Variants in PCNA observed in about 807,000 individuals in gnomAD.
PCNA encodes proliferating cell nuclear antigen, also known as DNA sliding clamp PCNA.
Under a neutral mutation model 27.8 loss-of-function variants are expected in PCNA, and 4 were observed. The ratio of observed to expected loss-of-function variants is 0.14; its 90% CI spans 0.07 to 0.33. The LOEUF (loss-of-function observed/expected upper bound fraction) is 0.33. Among genes scored for constraint, PCNA ranks in the 10% least tolerant of loss-of-function variants. The pLI is 1.00. For synonymous variants in PCNA, 121 were observed against 119.4 expected, an observed-to-expected ratio of 1.01 and a Z score of -0.09; for missense variants, 165 against 327.4, an observed-to-expected ratio of 0.50 and a Z score of 3.83.
chr20:5,124,928 GA>G (rs2090537148), upstream of PCNA, among the ~76,000 whole-genome samples: 1 of 152,208 alleles, frequency 6.6e-6, no homozygotes. Flanking sequence ...GGCTGGATTT[GA>G]AAAGGAGCAG....
At chr20:5,126,578 A>T (rs1568522854) in exon 1 of PCNA, 1 of 152,520 alleles carries the variant, frequency 6.6e-6, no homozygotes, top group East Asian at 1.9e-4. Flanking sequence ...TCTCGCCCTC[A>T]GTAACCGGTT....
At chr20:5,118,238 G>T (rs2090489346) in intron 3 of PCNA, among the ~76,000 whole-genome samples, 2 of 152,214 alleles carry the variant, frequency 1.3e-5, no homozygotes, top group Non-Finnish European at 2.9e-5. Flanking sequence ...TGCACCAGTA[G>T]ATATATTTCT....
chr20:5,118,858 T>C lies in PCNA; in HGVS notation c.230A>G (p.Lys77Arg). The C allele has an allele frequency of 6.2e-7, 1 of 1,609,368 alleles. No individual in the cohort carries two copies. The highest frequency in any genetic ancestry group is 8.5e-7 in the Non-Finnish European group (1 of 1,175,918). ...AMGVNLTSMS[K>R]ILKCAGNEDI... The stretch of plus-strand genomic sequence containing the variant: ...TTCATTGCCGGCGCATTTTAGTATT[T>C]TGGACATACTAGAAGACAGGAGACA... The change falls in exon 2 of 6, where the codon AAA (lysine) becomes AGA (arginine). Residue 77 changes from lysine to arginine, a missense_variant. By Grantham distance (26) the Lys-to-Arg change is conservative. Coordinates refer to ENST00000379143, the MANE Select transcript of PCNA (RefSeq NM_182649.2).
chr20:5,123,614 G>C (rs1230403908), upstream of PCNA, among the ~76,000 whole-genome samples: 10 of 151,314 alleles, frequency 6.6e-5, no homozygotes, highest in South Asian at 1.5e-3. Context: ...AGAATTGCTT[G>C]AACCCGGGAG....
At chr20:5,116,023 G>C (rs2090472282) in intron 4 of PCNA, among the ~76,000 whole-genome samples, 1 of 152,104 alleles carries the variant, frequency 6.6e-6, no homozygotes, top group Non-Finnish European at 1.5e-5. Flanking sequence ...AGGCTCCAGG[G>C]CTATAGCTAC....
intron 1 of PCNA, among the ~76,000 whole-genome samples, chr20:5,124,962 A>G (rs1467829186): frequency 6.6e-6 from 1 of 152,212 alleles, no homozygotes; most frequent in Non-Finnish European, 1.5e-5. Flanking sequence ...AAGGACTGAC[A>G]TGACACTCAC....
intron 3 of PCNA, among the ~76,000 whole-genome samples, chr20:5,118,135 A>C (rs1295767558): frequency 6.6e-6 from 1 of 152,260 alleles, no homozygotes; most frequent in African/African-American, 2.4e-5. Flanking sequence ...AGTTAATGCA[A>C]ATAGACAACT....
chr20:5,125,274 T>C lies in PCNA; in HGVS notation c.-117+1226A>G, dbSNP rs373225922. Among the ~76,000 whole-genome samples the C allele has an allele frequency of 3.3e-5, 5 of 152,186 alleles. No homozygotes were observed. In the South Asian group the frequency reaches 1.0e-3, roughly 31 times the overall value. On this transcript the variant is annotated intron_variant, in intron 1 of 6. Transcript: ENST00000379160. ...AGAAATCAGGAATATATAATGCTGT[T>C]TTCAGAATTCTCACTACCTGCCCCA...
At chr20:5,119,035 G>GC (rs1434968744) in intron 1 of PCNA, among the ~76,000 whole-genome samples, 169 bp from the exon 2 acceptor site, 2 of 152,036 alleles carry the variant, frequency 1.3e-5, no homozygotes, top group Non-Finnish European at 2.9e-5. Flanking sequence ...GTTTTGGGAC[G>GC]CATCTGGCAG....
chr20:5,120,140 T>C, upstream of PCNA: 1 of 288,782 alleles, frequency 3.5e-6, no homozygotes, highest in Non-Finnish European at 6.9e-6. Flanking sequence ...GTCGCGCAGG[T>C]CTCCCCGCCT....
chr20:5,122,580 AC>A (rs1280045492), upstream of PCNA, among the ~76,000 whole-genome samples: 1 of 152,258 alleles, frequency 6.6e-6, no homozygotes, highest in African/African-American at 2.4e-5. Flanking sequence ...GTGATGGACT[AC>A]CCATTTGCAT....
At position 5,119,840 on chromosome 20, in the gene PCNA, G is replaced by A. The variant is rs1489533801; in HGVS notation, c.-42C>T. The stretch of plus-strand genomic sequence containing the variant: ...CAACGCCGCTACAGGCAGGCGGGAA[G>A]GAGGAAAGTCTAGCTGGTTTCGGCT... On this transcript the variant is annotated 5_prime_UTR_variant, in exon 1 of 6. Coordinates refer to ENST00000379143, the MANE Select transcript of PCNA (RefSeq NM_182649.2). 13 of 1,485,662 alleles carry A rather than the reference G, an allele frequency of 8.8e-6. No individual in the cohort carries two copies. Among genetic ancestry groups the A allele is most frequent in the Admixed American group, 3.9e-5 (2 of 50,882 alleles). 92.0% of individuals were successfully genotyped at this position (1,485,662 alleles called of 1,614,324 possible). A position where few individuals can be genotyped will look rare whatever the true frequency, so the allele number is the denominator to read the frequency against.
rs2122903414 is a variant in PCNA, at chr20:5,118,753, A to T, written c.319+16T>A. 1 of 1,611,932 alleles carries T rather than the reference A, an allele frequency of 6.2e-7. No homozygotes were observed. Among genetic ancestry groups the T allele is most frequent in the East Asian group, 2.2e-5 (1 of 44,878 alleles). On this transcript the variant is annotated intron_variant, in intron 2 of 5. Coordinates refer to ENST00000379143, the MANE Select transcript of PCNA (RefSeq NM_182649.2). ...TTTTCTGTAGCTTCGTGACTCGGTAAAAAGGTACGACTTACTTGGTGCTTC... is the reference window on the plus strand; with the variant it reads ...TTTTCTGTAGCTTCGTGACTCGGTATAAAGGTACGACTTACTTGGTGCTTC...
intron 1 of PCNA, 26 bp downstream of exon 1, chr20:5,119,552 C>G (rs756313412): frequency 1.9e-6 from 3 of 1,590,680 alleles, no homozygotes; most frequent in Non-Finnish European, 2.6e-6. Context: ...GGGCCGGGGC[C>G]GGCTTCCCGG....
chr20:5,118,585 T>A (rs1568519805), intron 3 of PCNA, 25 bp downstream of exon 3: 11 of 1,511,326 alleles, frequency 7.3e-6, no homozygotes, highest in Non-Finnish European at 1.0e-5. Context: ...TACAGCACTC[T>A]CTACAATGAG....
upstream of PCNA, chr20:5,119,971 G>T (rs369539439): frequency 1.6e-6 from 1 of 608,316 alleles, no homozygotes. Flanking sequence ...CGCCGCGTCC[G>T]CAAGCGCGCG....
chr20:5,115,472 C>A lies in PCNA; in HGVS notation c.683G>T (p.Ser228Ile), dbSNP rs369958038. The A allele has an allele frequency of 4.3e-6, 7 of 1,613,968 alleles. No individual in the cohort carries two copies. Among genetic ancestry groups the A allele is most frequent in the Non-Finnish European group, 5.1e-6 (6 of 1,179,988 alleles). ...ATPLSSTVTL[S>I]MSADVPLVVE... is the part of the protein sequence containing the mutation. ...ACCAAGGGGTACATCTGCAGACATA[C>A]TGAGTGTCACCGTTGAAGAGAGTGG... is the stretch of plus-strand genomic sequence containing the variant. Residue 228 changes from serine (S) to isoleucine (I), a missense_variant, in exon 5 of 6, where the codon AGT becomes ATT. Ser to Ile is a moderately radical substitution (Grantham distance 142). Transcript: ENST00000379143.
rs902102178 is a variant in PCNA at position 5,115,200 on chromosome 20, A to T, written c.*83T>A. On this transcript the variant is annotated 3_prime_UTR_variant, in exon 6 of 6. Transcript: ENST00000379143. Reference sequence around the variant, plus strand: ...TGTACTTAGAGGTACAAATTTGGTGACAGAAAAGACTTCAGTATATGCTGG... The same window carrying T: ...TGTACTTAGAGGTACAAATTTGGTGTCAGAAAAGACTTCAGTATATGCTGG... 9.2e-6 allele frequency: 9 copies of T among 982,310 alleles called. No homozygotes were observed. Among genetic ancestry groups the T allele is most frequent in the African/African-American group, 1.6e-5 (1 of 61,726 alleles). 60.8% of individuals were successfully genotyped at this position (982,310 alleles called of 1,614,324 possible). A position where few individuals can be genotyped will look rare whatever the true frequency, so the allele number is the denominator to read the frequency against.
intron 4 of PCNA, among the ~76,000 whole-genome samples, chr20:5,116,816 C>T (rs2090478588): frequency 6.6e-6 from 1 of 152,188 alleles, no homozygotes; most frequent in Admixed American, 6.5e-5. Flanking sequence ...CCACACCCGG[C>T]TAATTTTTAT....
Sources: gnomAD v4.1 joint callset for allele counts (sites outside exome capture counted in the v4.1 genomes callset) on GRCh38, gnomAD v4.1.1 for gene constraint, MANE v1.5 for transcripts, NCBI Gene and HGNC (gene_info 2026-07-23, HGNC 2026-07-21) for gene names.